Variants in GAS7 observed in about 807,000 individuals in gnomAD.
GAS7 encodes growth arrest-specific protein 7.
A neutral mutation model predicts 71.1 loss-of-function variants in GAS7; 28 were observed. The ratio of observed to expected loss-of-function variants is 0.39; its 90% CI spans 0.29 to 0.54. GAS7 has a LOEUF of 0.54. GAS7 is among the 20% of genes least tolerant of loss of function. The pLI is 0.62. For synonymous variants in GAS7, 258 were observed against 245.8 expected (o/e 1.05, Z -0.46); for missense variants, 436 against 627.8 (o/e 0.69, Z 3.27).
At chr17:10,167,344 C>A (rs140311684) in intron 1 of GAS7, among the ~76,000 whole-genome samples, 1 of 152,268 alleles carries the variant, frequency 6.6e-6, no homozygotes, top group East Asian at 1.9e-4. Context: ...AGCCACCACG[C>A]CCAGCCTCCG....
chr17:10,177,712 C>A (rs16959410), intron 1 of GAS7, among the ~76,000 whole-genome samples: 6,350 of 152,210 alleles, frequency 0.042, 436 homozygotes, highest in African/African-American at 0.14. Flanking sequence ...GCACCGTAAC[C>A]CTTTCCAACT....
intron 2 of GAS7, among the ~76,000 whole-genome samples, chr17:9,986,907 G>A (rs2152137323): frequency 6.6e-6 from 1 of 152,350 alleles, no homozygotes; most frequent in South Asian, 2.1e-4. Flanking sequence ...AGGCCAGGCA[G>A]ACATCTGGAG....
At chr17:9,948,860 C>T (rs545829807) in intron 5 of GAS7, among the ~76,000 whole-genome samples, 3 of 152,294 alleles carry the variant, frequency 2.0e-5, no homozygotes, top group Non-Finnish European at 2.9e-5. Context: ...TCTCCTAGGA[C>T]GCGGGCTAAT....
intron 8 of GAS7, among the ~76,000 whole-genome samples, chr17:9,938,244 C>T (rs1392475145): frequency 6.6e-6 from 1 of 151,984 alleles, no homozygotes; most frequent in Non-Finnish European, 1.5e-5. Context: ...CGATGGATCA[C>T]GCCTACAATT....
intron 1 of GAS7, among the ~76,000 whole-genome samples, chr17:10,118,620 T>C (rs575691914): frequency 2.7e-4 from 41 of 149,170 alleles, no homozygotes; most frequent in African/African-American, 1.0e-3. Context: ...AGGAGAATCA[T>C]TTGAACCCAG....
chr17:10,124,204 C>A (rs1011839307), intron 1 of GAS7, among the ~76,000 whole-genome samples: 2 of 152,218 alleles, frequency 1.3e-5, no homozygotes, highest in East Asian at 3.9e-4. Context: ...CGGGGCCTTG[C>A]ACTCAACAAG....
chr17:10,066,138 G>A (rs1218043166), intron 1 of GAS7, among the ~76,000 whole-genome samples: 5 of 152,190 alleles, frequency 3.3e-5, no homozygotes, highest in African/African-American at 7.2e-5. Flanking sequence ...CATCTGTAGT[G>A]GAAATGGGAG....
Position 10,056,811 on chromosome 17 carries a change from C to G in GAS7, c.184-36914G>C, listed in dbSNP as rs572351614. On this transcript the variant is annotated intron_variant, in intron 1 of 13. Transcript: ENST00000432992. ...CTCTTTCCACGGTCTCCCTCTCCCT[C>G]TCTTTCCACGGTCTCCCTCTGATGC... 2.6e-5 allele frequency among the ~76,000 whole-genome samples: 4 copies of G among 152,298 alleles called. No homozygotes were observed. The South Asian group carries it at 8.3e-4, about 32-fold the overall frequency.
intron 1 of GAS7, among the ~76,000 whole-genome samples, chr17:10,074,170 G>T (rs1375304059): frequency 1.3e-5 from 2 of 152,186 alleles, no homozygotes; most frequent in Admixed American, 6.5e-5. Flanking sequence ...GTTCCTGGGA[G>T]GGGGGTGCTG....
chr17:10,127,150 G>C (rs2073957672), intron 1 of GAS7, among the ~76,000 whole-genome samples: 1 of 152,180 alleles, frequency 6.6e-6, no homozygotes, highest in African/African-American at 2.4e-5. Context: ...ACTGGCTGAT[G>C]CTCCCTGCAT....
chr17:10,103,977 G>A lies in GAS7; in HGVS notation c.184-84080C>T, dbSNP rs948656441. Among the ~76,000 whole-genome samples the A allele has an allele frequency of 6.6e-6, 1 of 151,898 alleles. No individual in the cohort carries two copies. Among genetic ancestry groups the A allele is most frequent in the Admixed American group, 6.6e-5 (1 of 15,240 alleles). ...ACAACAGTAACTCCTCCTACCAAAGGCAACTTACCTGCTTTCTACCGATCA... is the reference window on the plus strand; with the variant it reads ...ACAACAGTAACTCCTCCTACCAAAGACAACTTACCTGCTTTCTACCGATCA... On this transcript the variant is annotated intron_variant, in intron 1 of 13. Coordinates refer to ENST00000432992, the MANE Select transcript of GAS7 (RefSeq NM_201433.2). The surrounding 1 kb of genome is among the most constrained non-coding windows in gnomAD (Gnocchi z 5.5).
At chr17:9,923,561 A>C (rs889389670) in intron 11 of GAS7, among the ~76,000 whole-genome samples, 14 of 152,232 alleles carry the variant, frequency 9.2e-5, no homozygotes, top group African/African-American at 3.1e-4. Flanking sequence ...TATTTTACAT[A>C]CTCAACCTGG....
intron 6 of GAS7, among the ~76,000 whole-genome samples, chr17:9,946,298 A>G (rs994733571): frequency 6.6e-6 from 1 of 152,182 alleles, no homozygotes; most frequent in Non-Finnish European, 1.5e-5. Context: ...CATTTTAGCC[A>G]TTTTTAAGAA....
At chr17:10,019,711 C>A (rs368623623) in intron 2 of GAS7, 66 bp downstream of exon 2, 1 of 1,497,102 alleles carries the variant, frequency 6.7e-7, no homozygotes, top group Non-Finnish European at 9.1e-7. Context: ...GGAGAAAAAA[C>A]GTGCCCCTCT....
intron 1 of GAS7, among the ~76,000 whole-genome samples, chr17:10,027,970 G>A (rs533321675): frequency 6.6e-6 from 1 of 152,270 alleles, no homozygotes; most frequent in East Asian, 1.9e-4. Flanking sequence ...TACAACCTCC[G>A]CCTCTCAGGT....
chr17:10,171,843 A>T (rs2074337208), intron 1 of GAS7, among the ~76,000 whole-genome samples: 1 of 152,186 alleles, frequency 6.6e-6, no homozygotes, highest in African/African-American at 2.4e-5. Context: ...GAAATCCTGC[A>T]TGAAAGCCCT....
rs56822255 is a variant in GAS7, at chr17:10,103,791, A to C, written c.184-83894T>G. On this transcript the variant is annotated intron_variant, in intron 1 of 13. Transcript: ENST00000432992. The surrounding 1 kb of genome is among the most constrained non-coding windows in gnomAD (Gnocchi z 5.5). ...CAGTGAGCCAAGATCTCACCATTGCACTCCAGCCTGGGTGACACAGCAAGA... is the reference window on the plus strand; with the variant it reads ...CAGTGAGCCAAGATCTCACCATTGCCCTCCAGCCTGGGTGACACAGCAAGA... Among the ~76,000 whole-genome samples the C allele has an allele frequency of 1.3e-5, 2 of 150,516 alleles. No homozygotes were observed. Among genetic ancestry groups the C allele is most frequent in the Non-Finnish European group, 3.0e-5 (2 of 67,730 alleles).
intron 1 of GAS7, among the ~76,000 whole-genome samples, chr17:10,113,816 T>C (rs770949681): frequency 6.6e-6 from 1 of 152,218 alleles, no homozygotes; most frequent in African/African-American, 2.4e-5. Context: ...CTACGTTTTT[T>C]GTACCTTTCA....
At chr17:10,189,152 A>C (rs1047222526) in intron 1 of GAS7, among the ~76,000 whole-genome samples, 5 of 152,130 alleles carry the variant, frequency 3.3e-5, no homozygotes, top group Admixed American at 2.0e-4. Context: ...GATGGGGAAA[A>C]TACAAAAGGG....
Sources: allele counts gnomAD v4.1 joint callset (sites outside exome capture counted in the v4.1 genomes callset), GRCh38; gene constraint gnomAD v4.1.1; non-coding constraint Gnocchi (gnomAD v3.1); transcripts MANE v1.5; gene names NCBI Gene and HGNC (gene_info 2026-07-23, HGNC 2026-07-21).